Variants in PRKN observed in about 807,000 individuals in gnomAD.
PRKN encodes parkin RBR E3 ubiquitin protein ligase.
Under a neutral mutation model 59.5 loss-of-function variants are expected in PRKN, and 56 were observed. The observed-to-expected ratio is 0.94, with a 90% confidence interval of 0.76 to 1.18. The LOEUF (loss-of-function observed/expected upper bound fraction) is 1.18. Ranked by LOEUF, PRKN falls within the 50% of genes most tolerant of loss-of-function variation. The pLI is 0.00. For synonymous variants in PRKN, 250 were observed against 222.1 expected (o/e 1.13, Z -1.12); for missense variants, 657 against 596.4 (o/e 1.10, Z -1.06).
chr6:162,463,314 T>C (rs1222765551), intron 1 of PRKN, among the ~76,000 whole-genome samples: 1 of 152,306 alleles, frequency 6.6e-6, no homozygotes, highest in East Asian at 1.9e-4. Flanking sequence ...GGAATCACTG[T>C]AACATTAACA....
chr6:162,721,031 TA>T (rs1404768076), intron 1 of PRKN, among the ~76,000 whole-genome samples: 3 of 152,188 alleles, frequency 2.0e-5, no homozygotes, highest in Non-Finnish European at 2.9e-5. Flanking sequence ...AAGAACTTTT[TA>T]AAAAGAAATA....
chr6:162,403,748 G>A (rs1275912902), intron 2 of PRKN, among the ~76,000 whole-genome samples: 1 of 152,202 alleles, frequency 6.6e-6, no homozygotes, highest in Non-Finnish European at 1.5e-5. Flanking sequence ...GTTTGGATGG[G>A]ATTGGAGTGG....
intron 2 of PRKN, among the ~76,000 whole-genome samples, chr6:162,309,501 G>A (rs1005416802): frequency 7.9e-5 from 12 of 152,250 alleles, no homozygotes; most frequent in African/African-American, 2.9e-4. Context: ...GACATCCAGG[G>A]GGATAGGATC....
At chr6:161,785,998 G>T in intron 6 of PRKN, 90 bp from the exon 7 acceptor site, 1 of 1,322,568 alleles carries the variant, frequency 7.6e-7, no homozygotes, top group Non-Finnish European at 1.1e-6. Context: ...ATCCTGGAGG[G>T]TTGTGTAGAC....
chr6:161,750,927 AC>A (rs1201527758), intron 7 of PRKN, among the ~76,000 whole-genome samples: 9 of 152,180 alleles, frequency 5.9e-5, no homozygotes, highest in Non-Finnish European at 1.3e-4. Context: ...AATATATTTC[AC>A]TAGTCAGAGA....
chr6:161,555,887 G>A (rs890412668), intron 8 of PRKN, among the ~76,000 whole-genome samples: 10 of 152,068 alleles, frequency 6.6e-5, no homozygotes, highest in Admixed American at 2.0e-4. Flanking sequence ...CAATAGCAAT[G>A]GAAATTAATA....
intron 1 of PRKN, among the ~76,000 whole-genome samples, chr6:162,533,700 C>T (rs1485342655): frequency 6.6e-6 from 1 of 151,594 alleles, no homozygotes; most frequent in Non-Finnish European, 1.5e-5. Context: ...AGATATATGC[C>T]GAGCACACAC....
At chr6:162,603,231 A>G (rs1781779367) in intron 1 of PRKN, among the ~76,000 whole-genome samples, 1 of 151,674 alleles carries the variant, frequency 6.6e-6, no homozygotes, top group East Asian at 1.9e-4. Context: ...GGTAACAACT[A>G]AAAAACAACA....
chr6:162,354,881 A>G (rs989931904), intron 2 of PRKN, among the ~76,000 whole-genome samples: 11 of 152,170 alleles, frequency 7.2e-5, no homozygotes, highest in Admixed American at 7.2e-4. Context: ...TTATGCAGTT[A>G]TCCTTATTTG....
Position 161,400,663 on chromosome 6 carries a change from G to A in PRKN, c.1084-13786C>T, listed in dbSNP as rs754888635. Among the ~76,000 whole-genome samples the A allele has an allele frequency of 5.4e-5, 8 of 148,914 alleles. No individual in the cohort carries two copies. Among genetic ancestry groups the A allele is most frequent in the South Asian group, 2.1e-4 (1 of 4,742 alleles). ...AAGAAATTCAGATTTTTTTTTTTTC[G>A]AATAAAGGATGCTGTGTTTATTTTC... On this transcript the variant is annotated intron_variant, in intron 9 of 11. Coordinates refer to ENST00000366898, the MANE Select transcript of PRKN (RefSeq NM_004562.3). This position sits in a 1 kb window ranked among gnomAD's most constrained non-coding sequence, Gnocchi z 4.2.
intron 4 of PRKN, among the ~76,000 whole-genome samples, chr6:162,060,979 A>T (rs1778077965): frequency 6.6e-6 from 1 of 152,254 alleles, no homozygotes; most frequent in South Asian, 2.1e-4. Flanking sequence ...TACTAAGGAC[A>T]TAATACAACA....
Position 161,562,953 on chromosome 6 carries a change from T to C in PRKN, c.933+6402A>G, listed in dbSNP as rs1780510999. Among the ~76,000 whole-genome samples the C allele has an allele frequency of 6.6e-6, 1 of 152,196 alleles. No homozygotes were observed. The highest frequency in any genetic ancestry group is 2.1e-4 in the South Asian group (1 of 4,830). On this transcript the variant is annotated intron_variant, in intron 8 of 11. Transcript: ENST00000366898. The surrounding 1 kb of genome is among the most constrained non-coding windows in gnomAD (Gnocchi z 4.3). The stretch of plus-strand genomic sequence containing the variant: ...ATATGCTTAACCCTGGTGTCCTTGG[T>C]CCAGGTGGCCTTCATCTTTTGGCAC...
rs77517485 is a variant in PRKN at position 161,581,516 on chromosome 6, G to A, written c.872-12100C>T. Among the ~76,000 whole-genome samples the A allele has an allele frequency of 6.6e-5, 10 of 152,320 alleles. No individual in the cohort carries two copies. The East Asian group carries it at 1.7e-3, about 26-fold the overall frequency. On this transcript the variant is annotated intron_variant, in intron 7 of 11. Coordinates refer to ENST00000366898, the MANE Select transcript of PRKN (RefSeq NM_004562.3). The surrounding 1 kb of genome is among the most constrained non-coding windows in gnomAD (Gnocchi z 4.5). ...TAAAAACACAGATAATGTGCTGAAC[G>A]GAAGAAGGTCACGGAAGAGGATATG... is the stretch of plus-strand genomic sequence containing the variant.
chr6:161,673,269 C>A (rs541962238), intron 7 of PRKN, among the ~76,000 whole-genome samples: 23 of 152,124 alleles, frequency 1.5e-4, no homozygotes, highest in Non-Finnish European at 2.2e-4. Flanking sequence ...GATAAGTGTG[C>A]GGGGTGGGGG....
At chr6:162,097,955 G>A (rs1248576085) in intron 4 of PRKN, among the ~76,000 whole-genome samples, 2 of 152,164 alleles carry the variant, frequency 1.3e-5, no homozygotes, top group African/African-American at 2.4e-5. Flanking sequence ...TTCTTGGTAA[G>A]AGCGTTGACC....
At chr6:162,538,746 C>T (rs1254151370) in intron 1 of PRKN, among the ~76,000 whole-genome samples, 5 of 152,208 alleles carry the variant, frequency 3.3e-5, no homozygotes. Context: ...TTTCAAAAAG[C>T]ACTGTCGTCA....
chr6:162,583,592 A>C (rs1780876299), intron 1 of PRKN, among the ~76,000 whole-genome samples: 1 of 152,140 alleles, frequency 6.6e-6, no homozygotes, highest in South Asian at 2.1e-4. Context: ...CCTGAGATTG[A>C]TGTGTTGATT....
chr6:162,165,637 C>T (rs537334853), intron 4 of PRKN, among the ~76,000 whole-genome samples: 4 of 149,300 alleles, frequency 2.7e-5, no homozygotes, highest in Admixed American at 1.3e-4. Flanking sequence ...TCCGAGGCGG[C>T]GGAGCCACCG....
At chr6:162,347,840 C>A (rs1350804384) in intron 2 of PRKN, among the ~76,000 whole-genome samples, 5 of 152,110 alleles carry the variant, frequency 3.3e-5, no homozygotes, top group African/African-American at 1.2e-4. Context: ...TACTGGCTAT[C>A]AAGCATTGAA....
Sources: gnomAD v4.1 joint callset for allele counts (sites outside exome capture counted in the v4.1 genomes callset) on GRCh38, gnomAD v4.1.1 for gene constraint, Gnocchi (gnomAD v3.1) non-coding constraint, MANE v1.5 for transcripts, NCBI Gene and HGNC (gene_info 2026-07-23, HGNC 2026-07-21) for gene names.